Variants in ZDHHC11B observed in about 807,000 individuals in gnomAD.
The protein encoded by ZDHHC11B is probable palmitoyltransferase ZDHHC11B.
ZDHHC11B carries 17 observed loss-of-function variants against 42.3 expected under a neutral mutation model. The ratio of observed to expected loss-of-function variants is 0.40; its 90% CI spans 0.27 to 0.60. The LOEUF (loss-of-function observed/expected upper bound fraction) is 0.60. ZDHHC11B is among the 20% of genes least tolerant of loss of function. The pLI is 0.41. For synonymous variants in ZDHHC11B, 123 were observed against 193.5 expected (o/e 0.64, Z 3.02); for missense variants, 262 against 463.2 (o/e 0.57, Z 3.99).
chr5:732,262 C>G (rs1222428367), intron 11 of ZDHHC11B: 1 of 169,228 alleles, frequency 5.9e-6, no homozygotes, highest in East Asian at 1.8e-4. Context: ...CACGGAGATG[C>G]GGGCTTGGGA....
At chr5:716,622 C>G (rs1356760296) in intron 13 of ZDHHC11B, among the ~76,000 whole-genome samples, 179 bp downstream of exon 13, 4 of 151,776 alleles carry the variant, frequency 2.6e-5, no homozygotes, top group African/African-American at 9.7e-5. Flanking sequence ...CTGCCATGCA[C>G]TACTTCTAAA....
chr5:722,377 T>C (rs1157005049), intron 12 of ZDHHC11B, among the ~76,000 whole-genome samples: 1 of 151,350 alleles, frequency 6.6e-6, no homozygotes, highest in African/African-American at 2.4e-5. Context: ...AAGAGTCCAG[T>C]GGAAAAATGG....
chr5:758,740 T>C (rs1169529449), intron 4 of ZDHHC11B, among the ~76,000 whole-genome samples: 5 of 151,784 alleles, frequency 3.3e-5, no homozygotes, highest in African/African-American at 1.2e-4. Flanking sequence ...TCAAAGCTTT[T>C]TTCATGGAAC....
At chr5:784,603 CCCAGTCTCCG>C (rs1444044339) in intron 1 of ZDHHC11B, among the ~76,000 whole-genome samples, 55 bp downstream of exon 1, 1 of 152,034 alleles carries the variant, frequency 6.6e-6, no homozygotes, top group Non-Finnish European at 1.5e-5. Context: ...GGCTGACGGG[CCCAGTCTCCG>C]CCCCCGGGTG....
At chr5:763,897 G>A (rs1199294295) in intron 4 of ZDHHC11B, among the ~76,000 whole-genome samples, 6 of 151,900 alleles carry the variant, frequency 3.9e-5, no homozygotes, top group Non-Finnish European at 7.4e-5. Flanking sequence ...ACATGCATGT[G>A]AGATATAAAA....
chr5:782,871 A>AG (rs1374301199), intron 1 of ZDHHC11B, among the ~76,000 whole-genome samples: 2 of 117,530 alleles, frequency 1.7e-5, no homozygotes, highest in Non-Finnish European at 3.7e-5. Flanking sequence ...AAATTAGGGT[A>AG]GGGGGTCAAA....
At chr5:729,354 C>T (rs1430582945) in intron 12 of ZDHHC11B, among the ~76,000 whole-genome samples, 1 of 151,132 alleles carries the variant, frequency 6.6e-6, no homozygotes. Flanking sequence ...GGTCCTAGGC[C>T]AGGACGGCTG....
intron 12 of ZDHHC11B, among the ~76,000 whole-genome samples, chr5:725,942 C>T (rs1467522147): frequency 1.3e-5 from 2 of 152,038 alleles, no homozygotes; most frequent in Admixed American, 6.6e-5. Flanking sequence ...ACAGCTCCAA[C>T]CTCCAGTGGA....
intron 11 of ZDHHC11B, among the ~76,000 whole-genome samples, chr5:733,259 C>G (rs10077600): frequency 0.022 from 3,388 of 150,736 alleles, 200 homozygotes; most frequent in African/African-American, 0.079. Context: ...TAACCACACC[C>G]CCCCACATAT....
chr5:756,782 A>G (rs1456483896), intron 4 of ZDHHC11B, among the ~76,000 whole-genome samples: 1 of 151,630 alleles, frequency 6.6e-6, no homozygotes, highest in Non-Finnish European at 1.5e-5. Flanking sequence ...AGGGAGCTGC[A>G]CAACCTACCC....
intron 11 of ZDHHC11B, chr5:732,757 TG>T (rs1275850698): frequency 5.3e-6 from 2 of 377,870 alleles, no homozygotes; most frequent in African/African-American, 4.2e-5. Flanking sequence ...TGGCCTGGCA[TG>T]GAGGCTCACG....
chr5:728,785 G>A (rs1205609206), intron 12 of ZDHHC11B, among the ~76,000 whole-genome samples: 32 of 151,952 alleles, frequency 2.1e-4, no homozygotes, highest in African/African-American at 7.3e-4. Context: ...ACTTTAGGAG[G>A]CTGAGGCAGG....
At chr5:764,901 C>A (rs1360081958) in intron 4 of ZDHHC11B, among the ~76,000 whole-genome samples, 2 of 144,744 alleles carry the variant, frequency 1.4e-5, no homozygotes, top group African/African-American at 2.5e-5. Context: ...ATGTCTAGCT[C>A]GAAGTTTGTA....
At chr5:716,999 C>T in intron 12 of ZDHHC11B, 134 bp from the exon 13 acceptor site, 2 of 1,305,636 alleles carry the variant, frequency 1.5e-6, no homozygotes, top group East Asian at 2.4e-5. Context: ...ATCACTTCAC[C>T]TCTCTGAGTT....
At chr5:783,973 G>A (rs1306221258) in intron 1 of ZDHHC11B, among the ~76,000 whole-genome samples, 35 of 150,944 alleles carry the variant, frequency 2.3e-4, no homozygotes, top group African/African-American at 8.3e-4. Flanking sequence ...AACCGAAACC[G>A]CAGAATAAAG....
At position 721,453 on chromosome 5, in the gene ZDHHC11B, C is replaced by T. The variant is rs1742179776; in HGVS notation, c.1059-4588G>A. ...TTGGATTTTTAAAAAGCTGAAGTGC[C>T]TGTGGACAAAGATGCTGAGTTAAAG... On this transcript the variant is annotated intron_variant, in intron 12 of 13. Coordinates refer to ENST00000508859, the MANE Select transcript of ZDHHC11B (RefSeq NM_001351303.2). Among the ~76,000 whole-genome samples the T allele has an allele frequency of 2.0e-5, 3 of 151,444 alleles. No homozygotes were observed. In the South Asian group the frequency reaches 6.3e-4, roughly 32 times the overall value.
chr5:767,320 G>T (rs1298037366), intron 3 of ZDHHC11B, 72 bp downstream of exon 3: 5 of 1,510,882 alleles, frequency 3.3e-6, no homozygotes, highest in Non-Finnish European at 4.5e-6. Flanking sequence ...ACACATGTGG[G>T]GCTCCGGGTC....
rs1194658502 is a variant in ZDHHC11B at position 752,074 on chromosome 5, G to T, written c.504-817C>A. ...TCCCTACCAGCCAAGGAGCACGCAG[G>T]CTGGGTCCCCTCAGGGGGCCCTGAG... On this transcript the variant is annotated intron_variant, in intron 6 of 13. Transcript: ENST00000508859. 1.6e-5 allele frequency among the ~76,000 whole-genome samples: 2 copies of T among 125,048 alleles called. 1 individual carries two copies. The highest frequency in any genetic ancestry group is 3.6e-5 in the Non-Finnish European group (2 of 55,846). 82.0% of individuals were successfully genotyped at this position (125,048 alleles called of 152,430 possible). A position where few individuals can be genotyped will look rare whatever the true frequency, so the allele number is the denominator to read the frequency against.
chr5:714,492 TA>T (rs1459510008), intron 13 of ZDHHC11B, among the ~76,000 whole-genome samples: 3 of 120,052 alleles, frequency 2.5e-5, no homozygotes, highest in African/African-American at 1.2e-4. Flanking sequence ...TAGTGGTGAA[TA>T]TTTTTTTTTT....
Sources: gnomAD v4.1 joint callset for allele counts (sites outside exome capture counted in the v4.1 genomes callset) on GRCh38, gnomAD v4.1.1 for gene constraint, MANE v1.5 for transcripts, NCBI Gene and HGNC (gene_info 2026-07-23, HGNC 2026-07-21) for gene names.